Variants in KHDRBS3 observed in about 807,000 individuals in gnomAD.
The protein encoded by KHDRBS3 is KH RNA binding domain containing, signal transduction associated 3, also known as KH domain-containing, RNA-binding, signal transduction-associated protein 3.
KHDRBS3 carries 23 observed loss-of-function variants against 45.6 expected under a neutral mutation model. The ratio of observed to expected loss-of-function variants is 0.50; its 90% confidence interval spans 0.36 to 0.72. KHDRBS3 has a LOEUF of 0.72. KHDRBS3 is among the 30% of genes least tolerant of loss of function. The pLI, the probability that KHDRBS3 is intolerant of heterozygous loss-of-function variation, is 0.00. For synonymous variants in KHDRBS3, 162 were observed against 156.5 expected (o/e 1.04, Z -0.26); for missense variants, 352 against 424.8 (o/e 0.83, Z 1.51).
chr8:135,638,116 A>G (rs1015146688), intron 7 of KHDRBS3, among the ~76,000 whole-genome samples: 1 of 152,168 alleles, frequency 6.6e-6, no homozygotes, highest in African/African-American at 2.4e-5. Flanking sequence ...GGAAGATTTA[A>G]CCCCCACATC....
intron 6 of KHDRBS3, among the ~76,000 whole-genome samples, chr8:135,593,725 G>T (rs1454148724): frequency 6.6e-6 from 1 of 152,122 alleles, no homozygotes; most frequent in Non-Finnish European, 1.5e-5. Flanking sequence ...CAACCCTCCT[G>T]CCTCGGCTTC....
At chr8:135,601,279 A>G (rs996153499) in intron 6 of KHDRBS3, among the ~76,000 whole-genome samples, 5 of 152,246 alleles carry the variant, frequency 3.3e-5, no homozygotes, top group Non-Finnish European at 4.4e-5. Context: ...TGAATAAGAC[A>G]CAATCCATAT....
chr8:135,482,291 C>A (rs2130331762), intron 1 of KHDRBS3, among the ~76,000 whole-genome samples: 1 of 152,230 alleles, frequency 6.6e-6, no homozygotes, highest in East Asian at 1.9e-4. Context: ...AAATAATTAA[C>A]AATAATATAT....
chr8:135,493,281 C>A (rs918685523), intron 1 of KHDRBS3, among the ~76,000 whole-genome samples: 1 of 151,902 alleles, frequency 6.6e-6, no homozygotes, highest in African/African-American at 2.4e-5. Flanking sequence ...ATCTGAATTT[C>A]TTTTATATTT....
chr8:135,582,082 A>C lies in KHDRBS3; in HGVS notation c.807+9A>C, dbSNP rs776799106. 6.5e-7 allele frequency: 1 copy of C among 1,530,812 alleles called. No homozygotes were observed. Among genetic ancestry groups the C allele is most frequent in the African/African-American group, 1.4e-5 (1 of 72,938 alleles). The allele number at this position is 1,530,812 out of a possible 1,614,324, so 94.8% of individuals were successfully genotyped here. On this transcript the variant is annotated intron_variant, in intron 6 of 8. Coordinates refer to ENST00000355849, the MANE Select transcript of KHDRBS3 (RefSeq NM_006558.3). ...AGACTTATGGAGAATATGTAAGTGAAGGTGTCAGACAACAGCCTTGTTCAT... is the reference window on the plus strand; with the variant it reads ...AGACTTATGGAGAATATGTAAGTGACGGTGTCAGACAACAGCCTTGTTCAT...
intron 1 of KHDRBS3, among the ~76,000 whole-genome samples, chr8:135,469,641 G>A (rs1206970102): frequency 1.3e-5 from 2 of 148,786 alleles, no homozygotes; most frequent in African/African-American, 2.5e-5. Flanking sequence ...CAATTCTCCC[G>A]CCTCAGCCTC....
At chr8:135,570,427 G>A (rs1827646153) in intron 5 of KHDRBS3, among the ~76,000 whole-genome samples, 1 of 152,134 alleles carries the variant, frequency 6.6e-6, no homozygotes. Flanking sequence ...AAACTGAATA[G>A]TTAATATTAG....
At chr8:135,576,382 C>T (rs953125274) in intron 5 of KHDRBS3, among the ~76,000 whole-genome samples, 1 of 152,188 alleles carries the variant, frequency 6.6e-6, no homozygotes, top group African/African-American at 2.4e-5. Context: ...TGTGCCTTCT[C>T]CCCTATTTAT....
chr8:135,485,032 A>G (rs1435173496), intron 1 of KHDRBS3, among the ~76,000 whole-genome samples: 1 of 152,212 alleles, frequency 6.6e-6, no homozygotes, highest in African/African-American at 2.4e-5. Context: ...GTGGCACTGT[A>G]TACAGTGTGA....
intron 1 of KHDRBS3, among the ~76,000 whole-genome samples, chr8:135,515,889 A>T (rs1269485852): frequency 6.6e-6 from 1 of 152,222 alleles, no homozygotes; most frequent in African/African-American, 2.4e-5. Flanking sequence ...TGCCAAATAG[A>T]TAACTAGTTT....
chr8:135,547,701 A>G (rs905379592), intron 3 of KHDRBS3, among the ~76,000 whole-genome samples: 1 of 152,198 alleles, frequency 6.6e-6, no homozygotes, highest in South Asian at 2.1e-4. Flanking sequence ...AAAAGGTGGT[A>G]TTGCCAGGAA....
chr8:135,519,130 G>A (rs1824774851), intron 1 of KHDRBS3, among the ~76,000 whole-genome samples: 1 of 152,142 alleles, frequency 6.6e-6, no homozygotes, highest in African/African-American at 2.4e-5. Flanking sequence ...ATTAGAAGCT[G>A]CAGATATAAT....
chr8:135,477,970 G>A (rs964543099), intron 1 of KHDRBS3, among the ~76,000 whole-genome samples: 6 of 152,198 alleles, frequency 3.9e-5, no homozygotes, highest in Admixed American at 6.5e-5. Flanking sequence ...TACCACCTGA[G>A]CGCTGCCTCC....
intron 1 of KHDRBS3, among the ~76,000 whole-genome samples, chr8:135,484,734 G>A (rs1822759218): frequency 6.6e-6 from 1 of 152,142 alleles, no homozygotes; most frequent in South Asian, 2.1e-4. Flanking sequence ...AACTTGCTTA[G>A]CATATTTAAA....
intron 7 of KHDRBS3, among the ~76,000 whole-genome samples, chr8:135,618,899 A>G (rs1246552925): frequency 6.6e-6 from 1 of 152,172 alleles, no homozygotes; most frequent in Non-Finnish European, 1.5e-5. Flanking sequence ...TGTGTCTGTC[A>G]CTGCTGGGCA....
At chr8:135,578,304 C>T (rs1828041789) in intron 5 of KHDRBS3, among the ~76,000 whole-genome samples, 2 of 152,006 alleles carry the variant, frequency 1.3e-5, no homozygotes. Flanking sequence ...AACTCATCAC[C>T]AAACTAATAT....
chr8:135,534,102 A>T (rs557608839), intron 2 of KHDRBS3, among the ~76,000 whole-genome samples: 30 of 152,282 alleles, frequency 2.0e-4, no homozygotes, highest in African/African-American at 4.8e-4. Flanking sequence ...AACATTTTTT[A>T]AAAAAATTCT....
intron 2 of KHDRBS3, among the ~76,000 whole-genome samples, chr8:135,530,501 G>T (rs1178793752): frequency 6.6e-6 from 1 of 152,166 alleles, no homozygotes; most frequent in African/African-American, 2.4e-5. Context: ...GATAATCATG[G>T]TTACAGAGAA....
At chr8:135,643,149 C>A (rs968511124) in intron 7 of KHDRBS3, among the ~76,000 whole-genome samples, 1 of 152,100 alleles carries the variant, frequency 6.6e-6, no homozygotes, top group Non-Finnish European at 1.5e-5. Flanking sequence ...CTTGTTGACA[C>A]CTAGATTTTC....
Sources: gnomAD v4.1 joint callset for allele counts (sites outside exome capture counted in the v4.1 genomes callset) on GRCh38, gnomAD v4.1.1 for gene constraint, MANE v1.5 for transcripts, NCBI Gene and HGNC (gene_info 2026-07-23, HGNC 2026-07-21) for gene names.